Variants in CLASP2 observed in about 807,000 individuals in gnomAD.
The protein encoded by CLASP2 is cytoplasmic linker associated protein 2.
A neutral mutation model predicts 194.4 loss-of-function variants in CLASP2; 47 were observed. The observed-to-expected ratio is 0.24, with a 90% CI of 0.19 to 0.31. CLASP2 has a LOEUF of 0.31. Among genes scored for constraint, CLASP2 ranks in the 10% least tolerant of loss-of-function variants. CLASP2 has a pLI of 1.00. For missense variants in CLASP2, 1,445 were observed against 1,823.6 expected (o/e 0.79, Z 3.78); for synonymous variants, 619 against 633.5 (o/e 0.98, Z 0.34).
chr3:33,545,018 C>A (rs1211577351), intron 30 of CLASP2, 177 bp from the exon 31 acceptor site: 5 of 449,720 alleles, frequency 1.1e-5, no homozygotes, highest in South Asian at 5.9e-5. Flanking sequence ...AAAATATTGA[C>A]CTACCTTTTT....
chr3:33,516,793 T>C (rs991919801), intron 35 of CLASP2, among the ~76,000 whole-genome samples, 188 bp downstream of exon 35: 1 of 152,214 alleles, frequency 6.6e-6, no homozygotes, highest in African/African-American at 2.4e-5. Flanking sequence ...ATTTTTCCTG[T>C]TAATTGTTCA....
intron 18 of CLASP2, among the ~76,000 whole-genome samples, chr3:33,601,526 T>C (rs1480774821): frequency 6.6e-6 from 1 of 152,216 alleles, no homozygotes; most frequent in Non-Finnish European, 1.5e-5. Context: ...TTTTCCCTTT[T>C]AGTTTTTGCT....
Position 33,684,426 on chromosome 3 carries a change from C to T in CLASP2, c.577G>A (p.Glu193Lys). ...VRDAAILAIVEIYRHVGEKVR... is the reference protein window; with the variant it reads ...VRDAAILAIVKIYRHVGEKVR... ...TTTTCTCCCACATGTCTATAAATCT[C>T]CACTATAGCCAATATTGCAGCATCT... The change falls in exon 6 of 39, where the codon GAG becomes AAG. Residue 193 changes from glutamate to lysine, a missense_variant. This residue lies in a region of CLASP2 where 332 missense variants were observed against 325.3 expected (regional missense o/e 1.02). Coordinates refer to ENST00000682230, the MANE Select transcript of CLASP2 (RefSeq NM_001365631.1). 6.2e-7 allele frequency: 1 copy of T among 1,601,792 alleles called. No homozygotes were observed. Among genetic ancestry groups the T allele is most frequent in the Non-Finnish European group, 8.5e-7 (1 of 1,173,362 alleles).
rs1576527264 is a variant in CLASP2, at chr3:33,567,007, T to C, written c.2764-273A>G. ...TTAAGAAAACTAAAGACAAAAACTC[T>C]TTTTTTTCCAGACCCTATCAATCCT... On this transcript the variant is annotated intron_variant, in intron 26 of 38. Coordinates refer to ENST00000682230, the MANE Select transcript of CLASP2 (RefSeq NM_001365631.1). Among the ~76,000 whole-genome samples, 6 of 152,092 alleles carry C rather than the reference T, an allele frequency of 3.9e-5. 1 individual carries two copies. In the Middle Eastern group the frequency reaches 0.021, roughly 521 times the overall value.
intron 6 of CLASP2, among the ~76,000 whole-genome samples, chr3:33,683,818 T>C (rs1016881080): frequency 6.6e-6 from 1 of 150,654 alleles, no homozygotes; most frequent in Non-Finnish European, 1.5e-5. Flanking sequence ...CGTATGCCTG[T>C]AGTCCCAGCT....
intron 21 of CLASP2, among the ~76,000 whole-genome samples, chr3:33,587,568 T>G (rs1190487717): frequency 6.6e-6 from 1 of 152,236 alleles, no homozygotes; most frequent in Non-Finnish European, 1.5e-5. Context: ...AAGCAGTGTT[T>G]CCAATGAAAT....
chr3:33,687,159 TAAAG>T lies in CLASP2; in HGVS notation c.471-28_471-25del, dbSNP rs755171584. Reference sequence around the variant, plus strand: ...AACTAAATATAATTTGAGAAAAAAATAAAGAAAATTTGTTTTTAATAAACAGTAA... The same window carrying T: ...AACTAAATATAATTTGAGAAAAAAATAAAATTTGTTTTTAATAAACAGTAA... On this transcript the variant is annotated intron_variant, in intron 4 of 38. Transcript: ENST00000682230. 2.0e-4 allele frequency: 295 copies of T among 1,470,306 alleles called. 3 individuals carry two copies. In the East Asian group the frequency reaches 7.1e-3, roughly 35 times the overall value. The allele number at this position is 1,470,306 out of a possible 1,614,324, so 91.1% of individuals were successfully genotyped here. A position where few individuals can be genotyped will look rare whatever the true frequency, so the allele number is the denominator to read the frequency against.
intron 27 of CLASP2, among the ~76,000 whole-genome samples, 154 bp downstream of exon 27, chr3:33,566,578 C>G (rs1259250650): frequency 6.6e-6 from 1 of 152,150 alleles, no homozygotes; most frequent in East Asian, 1.9e-4. Context: ...TATCTCCAAA[C>G]AGAATGATAG....
chr3:33,675,899 G>A (rs1460748265), intron 6 of CLASP2, among the ~76,000 whole-genome samples: 1 of 150,430 alleles, frequency 6.6e-6, no homozygotes, highest in Non-Finnish European at 1.5e-5. Context: ...CCTCTTCAAG[G>A]AGAACTACAA....
At chr3:33,657,758 A>C (rs1447361957) in intron 7 of CLASP2, among the ~76,000 whole-genome samples, 1 of 152,326 alleles carries the variant, frequency 6.6e-6, no homozygotes, top group East Asian at 1.9e-4. Context: ...AATCATAACG[A>C]TATGCCAAAC....
chr3:33,565,630 T>C (rs2062588317), intron 27 of CLASP2, among the ~76,000 whole-genome samples: 1 of 151,428 alleles, frequency 6.6e-6, no homozygotes, highest in African/African-American at 2.4e-5. Flanking sequence ...CTGACTAACA[T>C]TGAGAAACCC....
chr3:33,665,545 T>A (rs1165910821), intron 6 of CLASP2, among the ~76,000 whole-genome samples: 1 of 152,142 alleles, frequency 6.6e-6, no homozygotes, highest in Non-Finnish European at 1.5e-5. Flanking sequence ...ACTGTTCTAC[T>A]CTCTCTTCTC....
intron 7 of CLASP2, among the ~76,000 whole-genome samples, chr3:33,657,589 T>C (rs573607121): frequency 6.9e-6 from 1 of 144,344 alleles, no homozygotes; most frequent in East Asian, 2.0e-4. Flanking sequence ...TTAGGTTTGG[T>C]TTTTTTTTTT....
chr3:33,559,588 T>C (rs571270594), intron 28 of CLASP2, among the ~76,000 whole-genome samples: 2 of 152,266 alleles, frequency 1.3e-5, no homozygotes, highest in South Asian at 4.1e-4. Flanking sequence ...TTGTACTCAG[T>C]ACAGGGTTAA....
chr3:33,537,938 G>C (rs1221043332), intron 33 of CLASP2, among the ~76,000 whole-genome samples: 1 of 152,090 alleles, frequency 6.6e-6, no homozygotes, highest in Non-Finnish European at 1.5e-5. Flanking sequence ...TCAGGAGATC[G>C]AGACCATCCT....
At chr3:33,533,044 C>G (rs781528424) in intron 34 of CLASP2, among the ~76,000 whole-genome samples, 10 of 152,148 alleles carry the variant, frequency 6.6e-5, no homozygotes, top group Non-Finnish European at 1.5e-4. Flanking sequence ...TTAAAAAATA[C>G]ATATTTATAG....
chr3:33,655,835 A>G (rs2084081620), intron 7 of CLASP2, among the ~76,000 whole-genome samples: 1 of 152,158 alleles, frequency 6.6e-6, no homozygotes, highest in Admixed American at 6.5e-5. Flanking sequence ...CATCACTTTT[A>G]TATATATTTT....
intron 6 of CLASP2, among the ~76,000 whole-genome samples, chr3:33,664,118 C>G (rs1013014903): frequency 1.8e-4 from 28 of 152,012 alleles, no homozygotes; most frequent in African/African-American, 6.5e-4. Flanking sequence ...AAGTAATGTA[C>G]ATTCATTATA....
chr3:33,506,781 C>T (rs921221701), intron 37 of CLASP2, among the ~76,000 whole-genome samples: 5 of 152,150 alleles, frequency 3.3e-5, no homozygotes, highest in African/African-American at 4.8e-5. Flanking sequence ...AATCAATTGC[C>T]TATAAATGTG....
Sources: gnomAD v4.1 joint callset for allele counts (sites outside exome capture counted in the v4.1 genomes callset) on GRCh38, gnomAD v4.1.1 for gene constraint, gnomAD v4.1.1 regional missense constraint, MANE v1.5 for transcripts, NCBI Gene and HGNC (gene_info 2026-07-23, HGNC 2026-07-21) for gene names.